NPR1: variants seen among roughly 807,000 people sequenced by gnomAD.
NPR1 encodes the protein natriuretic peptide receptor 1, also known as atrial natriuretic peptide receptor 1.
Under a neutral mutation model 116.9 loss-of-function variants are expected in NPR1, and 57 were observed. That is an observed-to-expected ratio of 0.49 (90% CI 0.39 to 0.61). NPR1 has a LOEUF of 0.61. NPR1 is among the 20% of genes least tolerant of loss of function. The pLI, the probability that NPR1 is intolerant of heterozygous loss-of-function variation, is 0.00. For missense variants in NPR1, 1,096 were observed against 1,409.8 expected (o/e 0.78, Z 3.56); for synonymous variants, 555 against 601.6 (o/e 0.92, Z 1.13).
chr1:153,682,392 T>C, intron 4 of NPR1, 106 bp from the exon 5 acceptor site: 1 of 777,132 alleles, frequency 1.3e-6, no homozygotes, highest in South Asian at 1.5e-5. Context: ...TGTATACATG[T>C]ATGTTTGGAA....
chr1:153,682,863 C>T (rs1029496813), intron 5 of NPR1, among the ~76,000 whole-genome samples: 26 of 152,284 alleles, frequency 1.7e-4, no homozygotes, highest in Admixed American at 3.3e-4. Context: ...CAGGCAGGAC[C>T]GCCTCCCAGC....
chr1:153,680,429 G>A (rs1356913212), intron 1 of NPR1, 72 bp from the exon 2 acceptor site: 1 of 1,422,304 alleles, frequency 7.0e-7, no homozygotes, highest in Non-Finnish European at 9.9e-7. Context: ...TCCCTTGGGT[G>A]CCCCAGCTTT....
intron 15 of NPR1, among the ~76,000 whole-genome samples, chr1:153,688,471 C>A (rs372312969): frequency 6.6e-6 from 1 of 152,138 alleles, no homozygotes; most frequent in African/African-American, 2.4e-5. Context: ...CCTTCCTGCC[C>A]ACTCGCCTTG....
chr1:153,689,536 G>A lies in NPR1; in HGVS notation c.2757+15G>A. 1.9e-6 allele frequency: 3 copies of A among 1,611,956 alleles called. No individual in the cohort carries two copies. The highest frequency in any genetic ancestry group is 2.2e-5 in the East Asian group (1 of 44,884). ...ATGTGTACAAGGTGAGGGTGGGAGT[G>A]GGGATGGGAAGGGACAGACAGACAT... On this transcript the variant is annotated intron_variant, in intron 18 of 21. Transcript: ENST00000368680. The surrounding 1 kb of genome is among the most constrained non-coding windows in gnomAD (Gnocchi z 5.1).
At chr1:153,688,767 T>C in intron 15 of NPR1, 186 bp from the exon 16 acceptor site, 1 of 654,836 alleles carries the variant, frequency 1.5e-6, no homozygotes, top group South Asian at 2.0e-5. Flanking sequence ...CCTTGGGGTC[T>C]CAGAAAAGAA....
chr1:153,689,415 C>T lies in NPR1; in HGVS notation c.2689-38C>T, dbSNP rs752378071. On this transcript the variant is annotated intron_variant, in intron 17 of 21. Transcript: ENST00000368680. The surrounding 1 kb of genome is among the most constrained non-coding windows in gnomAD (Gnocchi z 5.1). ...ACCCACCTGACCCCAGGTGGGGTCC[C>T]CTACTTCCTGTCTCTCTTAGCTTCT... 6.2e-7 allele frequency: 1 copy of T among 1,613,164 alleles called. No homozygotes were observed. The highest frequency in any genetic ancestry group is 1.1e-5 in the South Asian group (1 of 91,058).
chr1:153,683,417 T>C lies in NPR1; in HGVS notation c.1305T>C (p.Ala435=). 6.2e-7 allele frequency: 1 copy of C among 1,614,196 alleles called. No homozygotes were observed. The highest frequency in any genetic ancestry group is 1.1e-5 in the South Asian group (1 of 91,084). The change falls in exon 6 of 22, where the codon GCT becomes GCC. Residue 435 remains alanine, a synonymous_variant. Transcript: ENST00000368680. The stretch of plus-strand genomic sequence containing the variant: ...ATGGGACTTCCCAAGAGCTGGTGGC[T>C]GTGTCGGGGCGCAAACTGAACTGGC... ...NYNGTSQELV[A]VSGRKLNWPL...
chr1:153,687,596 G>A, intron 13 of NPR1, 38 bp from the exon 14 acceptor site: 1 of 1,545,798 alleles, frequency 6.5e-7, no homozygotes, highest in Non-Finnish European at 8.8e-7. Context: ...TTAGCTTTGG[G>A]CTCCCTCACT....
chr1:153,690,409 G>A, intron 20 of NPR1, 27 bp downstream of exon 20: 2 of 1,510,816 alleles, frequency 1.3e-6, no homozygotes, highest in South Asian at 2.4e-5. Flanking sequence ...TAGAGGGAAT[G>A]GGGAGGGCAG....
chr1:153,686,004 G>A (rs11264236), intron 9 of NPR1, 119 bp from the exon 10 acceptor site: 351,057 of 1,357,728 alleles, frequency 0.26, 49,710 homozygotes, highest in Non-Finnish European at 0.29. Context: ...GGGCCCTGGG[G>A]GTGGGCTATT....
chr1:153,685,232 C>T (rs898511393), intron 8 of NPR1, 148 bp downstream of exon 8: 27 of 1,105,020 alleles, frequency 2.4e-5, no homozygotes, highest in South Asian at 2.3e-4. Context: ...AGTCCCTCTC[C>T]GAGACTGTCT....
intron 7 of NPR1, 23 bp downstream of exon 7, chr1:153,683,847 G>A: frequency 1.2e-6 from 2 of 1,607,454 alleles, no homozygotes; most frequent in Non-Finnish European, 1.7e-6. Context: ...GTGGGGGGTT[G>A]AGTGAGGCTG....
At chr1:153,681,586 G>A (rs1283192246) in intron 3 of NPR1, 118 bp from the exon 4 acceptor site, 4 of 1,036,818 alleles carry the variant, frequency 3.9e-6, no homozygotes, top group East Asian at 4.9e-5. Flanking sequence ...GTGATATAGG[G>A]GTGTTATTTT....
rs554024271 is a variant in NPR1, at chr1:153,685,081, C to T, written c.1602C>T (p.Ser534=). Residue 534 remains serine (S), a synonymous_variant, in exon 8 of 22, where the codon AGC becomes AGT. Coordinates refer to ENST00000368680, the MANE Select transcript of NPR1 (RefSeq NM_000906.4). ...LRSAGSRLTL[S]GRGSNYGSLL... ...GTGCAGGCAGCCGGCTGACCCTGAG[C>T]GGGGTAAGAACGCTGGTGTTTGTGT... 4.0e-5 allele frequency: 64 copies of T among 1,613,654 alleles called. No homozygotes were observed. In the African/African-American group the frequency reaches 4.4e-4, roughly 11 times the overall value.
In NPR1 at chr1:153,682,593, A is replaced by C; in HGVS notation, c.1263+4A>C. On this transcript the variant is annotated splice_donor_region_variant and intron_variant, in intron 5 of 21. Transcript: ENST00000368680. Reference sequence around the variant, plus strand: ...TCCCGAGAATGGTGCCTTCAGGGTAAGTTTGTGCACCCAGAAGACAGTGCC... The same window carrying C: ...TCCCGAGAATGGTGCCTTCAGGGTACGTTTGTGCACCCAGAAGACAGTGCC... The C allele has an allele frequency of 6.2e-7, 1 of 1,610,432 alleles. No individual in the cohort carries two copies. The highest frequency in any genetic ancestry group is 1.3e-5 in the African/African-American group (1 of 74,966).
chr1:153,683,379 G>A lies in NPR1; in HGVS notation c.1267G>A (p.Val423Ile), dbSNP rs1433240854. 1 of 1,614,060 alleles carries A rather than the reference G, an allele frequency of 6.2e-7. No individual in the cohort carries two copies. Residue 423 changes from valine to isoleucine, a missense_variant, in exon 6 of 22, where the codon GTA (valine) becomes ATA (isoleucine). By Grantham distance (29) the Val-to-Ile change is conservative. Transcript: ENST00000368680. ...MDPENGAFRV[V>I]LNYNGTSQEL... ...CACCACTCCTGCTCTCCCTTAGGTT[G>A]TACTGAACTACAATGGGACTTCCCA...
Position 153,679,736 on chromosome 1 carries a change from C to T in NPR1, c.628C>T (p.Arg210Cys). The stretch of plus-strand genomic sequence containing the variant: ...GGGGCTGTTCATGCGGGTCCGCGAC[C>T]GCCTCAATATTACGGTGGACCACCT... ...VEGLFMRVRD[R>C]LNITVDHLEF... Residue 210 changes from arginine (R) to cysteine (C), a missense_variant, in exon 1 of 22, where the codon CGC becomes TGC. By Grantham distance (180) the Arg-to-Cys change is radical (BLOSUM62 -3). Coordinates refer to ENST00000368680, the MANE Select transcript of NPR1 (RefSeq NM_000906.4). The surrounding 1 kb of genome is among the most constrained non-coding windows in gnomAD (Gnocchi z 4.2). The T allele has an allele frequency of 6.2e-7, 1 of 1,601,874 alleles. No individual in the cohort carries two copies. The highest frequency in any genetic ancestry group is 8.5e-7 in the Non-Finnish European group (1 of 1,176,908).
At position 153,689,946 on chromosome 1, in the gene NPR1, G is replaced by T. The variant is rs1288756952; in HGVS notation, c.2898G>T (p.Gln966His). 2 of 1,545,818 alleles carry T rather than the reference G, an allele frequency of 1.3e-6. No individual in the cohort carries two copies. Among genetic ancestry groups the T allele is most frequent in the South Asian group, 1.2e-5 (1 of 84,068 alleles). The part of the protein sequence containing the change: ...VRSFRIRHRP[Q>H]EQLRLRIGIH... ...CCTTCCGAATCCGCCACCGGCCCCA[G>T]GAGCAGCTGCGCTTGCGCATTGGCA... Residue 966 changes from glutamine to histidine, a missense_variant, in exon 19 of 22, where the codon CAG becomes CAT. Physicochemically the swap from Gln to His is conservative, Grantham distance 24. Coordinates refer to ENST00000368680, the MANE Select transcript of NPR1 (RefSeq NM_000906.4). The surrounding 1 kb of genome is among the most constrained non-coding windows in gnomAD (Gnocchi z 5.1).
At chr1:153,684,602 G>A (rs1669876508) in intron 7 of NPR1, among the ~76,000 whole-genome samples, 1 of 152,006 alleles carries the variant, frequency 6.6e-6, no homozygotes, top group Non-Finnish European at 1.5e-5. Context: ...ATGTTGGCCA[G>A]GATGGTCTCG....
Sources: allele counts gnomAD v4.1 joint callset (sites outside exome capture counted in the v4.1 genomes callset), GRCh38; gene constraint gnomAD v4.1.1; non-coding constraint Gnocchi (gnomAD v3.1); transcripts MANE v1.5; gene names NCBI Gene and HGNC (gene_info 2026-07-23, HGNC 2026-07-21).